Variants in CSF2RA observed in about 807,000 individuals in gnomAD.
The protein encoded by CSF2RA is granulocyte-macrophage colony-stimulating factor receptor subunit alpha.
In CSF2RA, 42 loss-of-function variants were observed where a neutral mutation model predicts 51.6. The ratio of observed to expected loss-of-function variants is 0.81; its 90% CI spans 0.64 to 1.05. CSF2RA has a LOEUF of 1.05. Among genes scored for constraint, CSF2RA ranks in the 50% least tolerant of loss-of-function variants. The pLI, the probability that CSF2RA is intolerant of heterozygous loss-of-function variation, is 0.00. For synonymous variants in CSF2RA, 222 were observed against 193.0 expected, an observed-to-expected ratio of 1.15 and a Z score of -1.24; for missense variants, 530 against 501.1, an observed-to-expected ratio of 1.06 and a Z score of -0.55.
chrX:1,303,432 G>C lies in CSF2RA; in HGVS notation c.947-491G>C, dbSNP rs1164649664. The C allele has an allele frequency of 7.2e-6, 3 of 417,684 alleles. No homozygotes were observed. The Admixed American group carries it at 1.2e-4, about 17-fold the overall frequency. The allele number at this position is 417,684 out of a possible 1,614,324, so 25.9% of individuals were successfully genotyped here. ...GTATTTTTTTTTTAGCAGAGATGAGGTTTCACCATGTTAGTGAGGCTTGTC... is the reference window on the plus strand; with the variant it reads ...GTATTTTTTTTTTAGCAGAGATGAGCTTTCACCATGTTAGTGAGGCTTGTC... On this transcript the variant is annotated intron_variant, in intron 10 of 12. Coordinates refer to ENST00000381529, the MANE Select transcript of CSF2RA (RefSeq NM_172245.4).
chrX:1,272,826 T>A (rs1471206867), intron 1 of CSF2RA, among the ~76,000 whole-genome samples: 1 of 11,618 alleles, frequency 8.6e-5, no homozygotes, highest in Non-Finnish European at 3.2e-4. Flanking sequence ...TCTTTTTTTC[T>A]TTTTTTTTTT....
rs751510185 is a variant in CSF2RA at position 1,304,025 on chromosome X, C to T, written c.1043+6C>T. 4 of 1,610,378 alleles carry T rather than the reference C, an allele frequency of 2.5e-6. No homozygotes were observed. Among genetic ancestry groups the T allele is most frequent in the Non-Finnish European group, 3.4e-6 (4 of 1,177,974 alleles). On this transcript the variant is annotated splice_donor_region_variant and intron_variant, in intron 11 of 12. Coordinates refer to ENST00000381529, the MANE Select transcript of CSF2RA (RefSeq NM_172245.4). ...CTCGGCTTCCTCTTTAAAAGGTAAC[C>T]TGTGAAACACCTGGGCCTCCCCAAT...
chrX:1,287,123 T>C (rs1167094481), intron 4 of CSF2RA: 2 of 152,236 alleles, frequency 1.3e-5, no homozygotes, highest in Non-Finnish European at 2.9e-5. Context: ...TGGGTGGTCT[T>C]GCTATGTTAC....
At chrX:1,324,592 AAGAG>A in the CSF2RA span, among the ~76,000 whole-genome samples, 6 of 151,324 alleles carry the variant, frequency 4.0e-5, no homozygotes, top group Non-Finnish European at 5.9e-5. Context: ...AAGAAAGAGA[AAGAG>A]AGAAAGAAAA....
At chrX:1,289,699 TG>T (rs1486523065) in intron 6 of CSF2RA, among the ~76,000 whole-genome samples, 1 of 151,372 alleles carries the variant, frequency 6.6e-6, no homozygotes, top group Non-Finnish European at 1.5e-5. Flanking sequence ...TTTTGTTTTG[TG>T]TTTTTTTGTT....
chrX:1,289,150 G>C (rs113614055), intron 6 of CSF2RA: 4 of 510,902 alleles, frequency 7.8e-6, no homozygotes, highest in African/African-American at 1.9e-5. Context: ...TAGAGACAGA[G>C]TCTTGCTCTG....
At chrX:1,307,017 C>G (rs751293875) in intron 12 of CSF2RA, among the ~76,000 whole-genome samples, 1 of 151,534 alleles carries the variant, frequency 6.6e-6, no homozygotes, top group African/African-American at 2.4e-5. Flanking sequence ...TTAGTCTCAG[C>G]GAGAGCCCAG....
intron 5 of CSF2RA, 28 bp from the exon 6 acceptor site, chrX:1,288,731 A>C: frequency 6.2e-7 from 1 of 1,613,846 alleles, no homozygotes; most frequent in East Asian, 2.2e-5. Flanking sequence ...TTCGGAGTGA[A>C]AATTATTTTG....
At chrX:1,306,935 AAGAC>A (rs1402743195) in intron 12 of CSF2RA, among the ~76,000 whole-genome samples, 14 of 151,340 alleles carry the variant, frequency 9.3e-5, no homozygotes, top group African/African-American at 3.4e-4. Context: ...ATGGAGGAAA[AAGAC>A]AGAGAGGGAG....
chrX:1,309,288 C>T (rs1409351128), intron 12 of CSF2RA, 114 bp from the exon 13 acceptor site: 2 of 1,127,814 alleles, frequency 1.8e-6, no homozygotes, highest in Non-Finnish European at 2.7e-6. Context: ...GCACTCCAGC[C>T]TGGGCAATAG....
chrX:1,276,882 C>CCT (rs2089254105), intron 2 of CSF2RA, among the ~76,000 whole-genome samples: 2 of 151,790 alleles, frequency 1.3e-5, no homozygotes, highest in Non-Finnish European at 2.9e-5. Context: ...AGGTGGATCA[C>CCT]AAGGTCAGGA....
chrX:1,322,851 C>T, the CSF2RA span, among the ~76,000 whole-genome samples: 793 of 152,066 alleles, frequency 5.2e-3, 5 homozygotes, highest in African/African-American at 0.017. Context: ...GAAGATTGGC[C>T]GGGCGCGGTG....
chrX:1,314,604 C>CCACTGTGCCTGCCCAACCG (rs2084426226), downstream of CSF2RA, among the ~76,000 whole-genome samples: 1 of 6,368 alleles, frequency 1.6e-4, no homozygotes, highest in Non-Finnish European at 3.3e-4. Flanking sequence ...CTGCCCAACC[C>CCACTGTGCCTGCCCAACCG]CACTGCACCT....
At chrX:1,272,474 CTTTATTTTAT>C (rs773976546) in intron 1 of CSF2RA, among the ~76,000 whole-genome samples, 2 of 148,934 alleles carry the variant, frequency 1.3e-5, no homozygotes, top group African/African-American at 2.5e-5. Flanking sequence ...TGATTTTTTT[CTTTATTTTAT>C]TTTATTTTAT....
intron 7 of CSF2RA, among the ~76,000 whole-genome samples, chrX:1,293,625 C>T (rs1484491277): frequency 6.7e-6 from 1 of 149,510 alleles, no homozygotes; most frequent in Non-Finnish European, 1.5e-5. Context: ...CCCACCTCCA[C>T]CTGGACCCAG....
intron 1 of CSF2RA, among the ~76,000 whole-genome samples, chrX:1,271,328 T>C (rs1379900560): frequency 4.1e-5 from 2 of 49,292 alleles, no homozygotes; most frequent in African/African-American, 1.4e-4. Context: ...CGGCTAATTT[T>C]TGTATTTTTT....
chrX:1,299,184 CT>C (rs2092210983), intron 9 of CSF2RA, among the ~76,000 whole-genome samples: 2 of 152,180 alleles, frequency 1.3e-5, no homozygotes, highest in Non-Finnish European at 1.5e-5. Flanking sequence ...TTTTATTCCT[CT>C]TTCCTCTACG....
intron 4 of CSF2RA, among the ~76,000 whole-genome samples, chrX:1,286,682 C>T (rs1241494221): frequency 2.2e-4 from 34 of 152,228 alleles, no homozygotes; most frequent in East Asian, 9.7e-4. Context: ...TCACGGGAAC[C>T]GGGAAAGTGC....
At position 1,282,645 on chromosome X, in the gene CSF2RA, CCTT is replaced by C. The variant is rs1453680090; in HGVS notation, c.-26-30_-26-28del. On this transcript the variant is annotated intron_variant, in intron 2 of 12. Transcript: ENST00000381529. The stretch of plus-strand genomic sequence containing the variant: ...GCCAGGAATGTCCTGGGAGAGGCAA[CCTT>C]CTCACTGTGTGATATTTTCTCTCCT... 3.4e-6 allele frequency: 5 copies of C among 1,486,744 alleles called. No homozygotes were observed. The African/African-American group carries it at 6.9e-5, about 21-fold the overall frequency. 92.1% of individuals were successfully genotyped at this position (1,486,744 alleles called of 1,614,324 possible).
Sources: gnomAD v4.1 joint callset for allele counts (sites outside exome capture counted in the v4.1 genomes callset) on GRCh38, gnomAD v4.1.1 for gene constraint, MANE v1.5 for transcripts, NCBI Gene and HGNC (gene_info 2026-07-23, HGNC 2026-07-21) for gene names.